The following RYR2 variants were observed in gnomAD, a reference collection of about 807,000 sequenced individuals.
The protein encoded by RYR2 is cardiac muscle ryanodine receptor-calcium release channel.
RYR2 carries 227 observed loss-of-function variants against 601.1 expected under a neutral mutation model. That is an observed-to-expected ratio of 0.38 (90% CI 0.34 to 0.42). RYR2 has a LOEUF of 0.42. RYR2 is among the 10% of genes least tolerant of loss of function. RYR2 has a pLI of 1.00. For missense variants in RYR2, 4,646 were observed against 6,156.5 expected (o/e 0.75, Z 8.21); for synonymous variants, 2,223 against 2,175.1 (o/e 1.02, Z -0.61).
chr1:237,128,267 G>A lies in RYR2; in HGVS notation c.48+85698G>A, dbSNP rs369987905. ...CACGAGCCTGCGATCGCAGGCACTC[G>A]GCAGGCTGAGTCAGGAGAATCAGGC... is the stretch of plus-strand genomic sequence containing the variant. On this transcript the variant is annotated intron_variant, in intron 1 of 104. Coordinates refer to ENST00000366574, the MANE Select transcript of RYR2 (RefSeq NM_001035.3). Among the ~76,000 whole-genome samples the A allele has an allele frequency of 3.3e-5, 5 of 152,304 alleles. No individual in the cohort carries two copies. The South Asian group carries it at 8.3e-4, about 25-fold the overall frequency.
chr1:237,653,774 G>A (rs1251698144), intron 51 of RYR2, among the ~76,000 whole-genome samples: 5 of 152,182 alleles, frequency 3.3e-5, no homozygotes, highest in African/African-American at 1.2e-4. Flanking sequence ...GTGGCCGAAG[G>A]CCCGTGAGCC....
At chr1:237,447,310 A>G (rs533004473) in intron 14 of RYR2, among the ~76,000 whole-genome samples, 1 of 152,306 alleles carries the variant, frequency 6.6e-6, no homozygotes, top group South Asian at 2.1e-4. Context: ...TGGCTGAAAT[A>G]CCAAAATTCA....
chr1:237,392,453 A>G (rs1440432842), intron 10 of RYR2, among the ~76,000 whole-genome samples: 1 of 152,144 alleles, frequency 6.6e-6, no homozygotes, highest in Admixed American at 6.6e-5. Flanking sequence ...TATACCTACT[A>G]CATACCCACA....
chr1:237,182,203 A>G (rs561287852), intron 1 of RYR2, among the ~76,000 whole-genome samples: 5 of 151,402 alleles, frequency 3.3e-5, no homozygotes, highest in Admixed American at 3.3e-4. Context: ...CTCACTGCAG[A>G]CTCCGCCTCC....
intron 17 of RYR2, among the ~76,000 whole-genome samples, chr1:237,487,732 CA>C (rs139689434): frequency 0.031 from 4,649 of 149,036 alleles, 191 homozygotes; most frequent in African/African-American, 0.087. Flanking sequence ...GATCCTATCT[CA>C]AAAAAAAATT....
In RYR2 at chr1:237,659,528, T is replaced by C. The variant is rs141682258; in HGVS notation, c.8209-457T>C. 1.1e-3 allele frequency among the ~76,000 whole-genome samples: 165 copies of C among 152,336 alleles called. 2 individuals are homozygous for C. In the East Asian group the frequency reaches 0.025, roughly 23 times the overall value. The stretch of plus-strand genomic sequence containing the variant: ...AGAGAAGACGCTGAGATGCATACTC[T>C]AGTTTTCCTATTTAAAATGCATGTT... On this transcript the variant is annotated intron_variant, in intron 54 of 104. Transcript: ENST00000366574.
intron 12 of RYR2, among the ~76,000 whole-genome samples, chr1:237,438,725 T>C (rs1350334649): frequency 6.6e-6 from 1 of 152,238 alleles, no homozygotes; most frequent in African/African-American, 2.4e-5. Flanking sequence ...AAGCAGCAGA[T>C]TGCTGCTGCC....
chr1:237,570,926 C>T (rs1008335391), intron 29 of RYR2, among the ~76,000 whole-genome samples: 4 of 151,982 alleles, frequency 2.6e-5, no homozygotes, highest in Non-Finnish European at 4.4e-5. Context: ...CAGGAGTTTG[C>T]GACCAGCCTG....
rs781014237 is a variant in RYR2 at position 237,081,824 on chromosome 1, G to A, written c.48+39255G>A. 6.8e-4 allele frequency among the ~76,000 whole-genome samples: 103 copies of A among 152,048 alleles called. 1 individual carries two copies. The highest frequency in any genetic ancestry group is 2.3e-3 in the African/African-American group (95 of 41,400). On this transcript the variant is annotated intron_variant, in intron 1 of 104. Coordinates refer to ENST00000366574, the MANE Select transcript of RYR2 (RefSeq NM_001035.3). Reference sequence around the variant, plus strand: ...ATGAAAAGTCTTCAGTTTCTCCTGCGGCATGGCCTTCCTGTCCTAGCTGCA... The same window carrying A: ...ATGAAAAGTCTTCAGTTTCTCCTGCAGCATGGCCTTCCTGTCCTAGCTGCA...
intron 102 of RYR2, among the ~76,000 whole-genome samples, chr1:237,829,685 T>G (rs532678183): frequency 1.3e-5 from 2 of 152,314 alleles, no homozygotes; most frequent in Non-Finnish European, 2.9e-5. Context: ...AGGAAGAATT[T>G]TATACACTAT....
chr1:237,066,879 C>T (rs956840925), intron 1 of RYR2, among the ~76,000 whole-genome samples: 7 of 152,058 alleles, frequency 4.6e-5, no homozygotes, highest in Admixed American at 2.0e-4. Flanking sequence ...CCTCGCAATC[C>T]GCCCGCCTCG....
intron 100 of RYR2, among the ~76,000 whole-genome samples, chr1:237,811,512 T>C (rs1298403818): frequency 6.6e-5 from 10 of 152,136 alleles, no homozygotes; most frequent in Non-Finnish European, 1.2e-4. Context: ...AAGCATTTTG[T>C]TCTCTTCCCA....
chr1:237,323,192 A>G (rs1197497642), intron 2 of RYR2, among the ~76,000 whole-genome samples: 4 of 152,172 alleles, frequency 2.6e-5, no homozygotes, highest in Admixed American at 1.3e-4. Context: ...TCATGAATAA[A>G]AAGATAGAAA....
chr1:237,128,252 C>T (rs868381259), intron 1 of RYR2, among the ~76,000 whole-genome samples: 2 of 152,190 alleles, frequency 1.3e-5, no homozygotes, highest in East Asian at 1.9e-4. Flanking sequence ...CACGAGCCTG[C>T]GATCGCAGGC....
intron 25 of RYR2, among the ~76,000 whole-genome samples, chr1:237,540,461 A>AC (rs58900114): frequency 0.36 from 54,820 of 151,636 alleles, 10,446 homozygotes; most frequent in East Asian, 0.48. Context: ...TAATCCCAAC[A>AC]GTTGGGAGGC....
chr1:237,737,470 A>T (rs1691251516), intron 79 of RYR2, among the ~76,000 whole-genome samples: 1 of 152,218 alleles, frequency 6.6e-6, no homozygotes, highest in Admixed American at 6.5e-5. Flanking sequence ...GCACTGCCTT[A>T]GGATCTTATA....
chr1:237,663,037 G>A (rs1683952297), intron 56 of RYR2, among the ~76,000 whole-genome samples: 2 of 152,192 alleles, frequency 1.3e-5, no homozygotes, highest in African/African-American at 4.8e-5. Flanking sequence ...ATTTGTGTTT[G>A]TAGCACTTTG....
chr1:237,122,228 T>A (rs142022402), intron 1 of RYR2, among the ~76,000 whole-genome samples: 1 of 152,234 alleles, frequency 6.6e-6, no homozygotes, highest in African/African-American at 2.4e-5. Flanking sequence ...GCCACATCAG[T>A]GGTGAAGTCC....
chr1:237,731,789 G>A (rs972392373), intron 77 of RYR2, among the ~76,000 whole-genome samples: 7 of 151,680 alleles, frequency 4.6e-5, no homozygotes, highest in African/African-American at 1.7e-4. Flanking sequence ...GTTATAGCAT[G>A]TATATTACAT....
Sources: allele counts gnomAD v4.1 joint callset (sites outside exome capture counted in the v4.1 genomes callset), GRCh38; gene constraint gnomAD v4.1.1; transcripts MANE v1.5; gene names NCBI Gene and HGNC (gene_info 2026-07-23, HGNC 2026-07-21).